HSDL2: variants seen among roughly 807,000 people sequenced by gnomAD.
HSDL2 encodes hydroxysteroid dehydrogenase like 2.
In HSDL2, 27 loss-of-function variants were observed where a neutral mutation model predicts 46.3. The ratio of observed to expected loss-of-function variants is 0.58; its 90% confidence interval spans 0.43 to 0.80. The LOEUF is 0.80. HSDL2 is among the 30% of genes least tolerant of loss of function. The probability of loss-of-function intolerance (pLI) is 0.00; values close to 1 mark genes in which losing one functional copy is unlikely to be tolerated. For missense variants in HSDL2, 451 were observed against 502.7 expected, an observed-to-expected ratio of 0.90 and a Z score of 0.98; for synonymous variants, 153 against 163.6, an observed-to-expected ratio of 0.94 and a Z score of 0.50.
chr9:112,388,351 C>G (rs1403837456), intron 1 of HSDL2, among the ~76,000 whole-genome samples: 1 of 151,280 alleles, frequency 6.6e-6, no homozygotes, highest in Admixed American at 6.6e-5. Flanking sequence ...ATCCCAGCTA[C>G]TCGGGAGGCT....
chr9:112,443,001 C>A, intron 8 of HSDL2, among the ~76,000 whole-genome samples: 1 of 152,030 alleles, frequency 6.6e-6, no homozygotes, highest in African/African-American at 2.4e-5. Context: ...TACTCATAAT[C>A]CTACTACCCA....
At chr9:112,458,320 C>CTTTTTTTTTTTTTTTTTTTTT (rs202071222) in intron 9 of HSDL2, among the ~76,000 whole-genome samples, 1 of 119,592 alleles carries the variant, frequency 8.4e-6, no homozygotes, top group Non-Finnish European at 1.8e-5. Context: ...ACCACTTCTT[C>CTTTTTTTTTTTTTTTTTTTTT]TTTTTTTTTT....
intron 4 of HSDL2, among the ~76,000 whole-genome samples, chr9:112,411,848 G>A (rs895702568): frequency 5.3e-5 from 8 of 152,120 alleles, no homozygotes; most frequent in Non-Finnish European, 2.9e-5. Context: ...CTTTGTGAAA[G>A]AATTTCAATT....
At chr9:112,423,714 TTTG>T (rs1249997004) in intron 6 of HSDL2, among the ~76,000 whole-genome samples, 2 of 150,918 alleles carry the variant, frequency 1.3e-5, no homozygotes, top group Admixed American at 6.6e-5. Context: ...AGATGGTATC[TTTG>T]TTGTTGTTTG....
chr9:112,409,140 T>A (rs753096082), intron 4 of HSDL2, 119 bp downstream of exon 4: 1 of 551,036 alleles, frequency 1.8e-6, no homozygotes, highest in Non-Finnish European at 3.3e-6. Flanking sequence ...TCAATCCTTA[T>A]AAGGGTCTAA....
At chr9:112,392,971 G>A (rs1831380938) in intron 1 of HSDL2, among the ~76,000 whole-genome samples, 3 of 152,110 alleles carry the variant, frequency 2.0e-5, no homozygotes. Context: ...CCATTGGGGG[G>A]TCCCAGACTT....
At chr9:112,458,714 T>C (rs1184935353) in intron 9 of HSDL2, among the ~76,000 whole-genome samples, 1 of 151,994 alleles carries the variant, frequency 6.6e-6, no homozygotes, top group Non-Finnish European at 1.5e-5. Context: ...GGGCACGGTA[T>C]CTCATGCCTG....
At chr9:112,458,017 C>T (rs1428393008) in intron 9 of HSDL2, among the ~76,000 whole-genome samples, 2 of 152,158 alleles carry the variant, frequency 1.3e-5, no homozygotes, top group Non-Finnish European at 2.9e-5. Flanking sequence ...AGGATGAAGT[C>T]ATTTAATCCT....
intron 7 of HSDL2, among the ~76,000 whole-genome samples, chr9:112,439,345 T>C (rs889898778): frequency 3.3e-5 from 5 of 152,190 alleles, no homozygotes; most frequent in African/African-American, 4.8e-5. Context: ...GTGGACTCTC[T>C]AAATATTTGT....
chr9:112,459,697 T>A (rs1833147241), intron 10 of HSDL2, 120 bp downstream of exon 10: 1 of 844,406 alleles, frequency 1.2e-6, no homozygotes, highest in Non-Finnish European at 1.9e-6. Flanking sequence ...GGAATCTTAG[T>A]TTTGGGAAGG....
At chr9:112,428,367 C>T (rs10981402) in intron 6 of HSDL2, among the ~76,000 whole-genome samples, 40,187 of 152,160 alleles carry the variant, frequency 0.26, 5,426 homozygotes, top group Middle Eastern at 0.39. Context: ...TCTTTGTTTC[C>T]TTTATGTTTC....
At chr9:112,437,513 A>G (rs1832553502) in intron 6 of HSDL2, among the ~76,000 whole-genome samples, 1 of 152,084 alleles carries the variant, frequency 6.6e-6, no homozygotes, top group Non-Finnish European at 1.5e-5. Context: ...TCCCTAAAGT[A>G]ATGGTGCACT....
At chr9:112,449,041 A>G (rs1832816149) in intron 8 of HSDL2, among the ~76,000 whole-genome samples, 1 of 151,222 alleles carries the variant, frequency 6.6e-6, no homozygotes, top group South Asian at 2.1e-4. Flanking sequence ...CACTTACACA[A>G]TTTTTTAAAG....
At chr9:112,463,911 T>C (rs1312692652) in intron 10 of HSDL2, among the ~76,000 whole-genome samples, 2 of 152,172 alleles carry the variant, frequency 1.3e-5, no homozygotes, top group Non-Finnish European at 2.9e-5. Flanking sequence ...TCTACCCACC[T>C]CAGCCTCCCA....
At chr9:112,457,977 A>G (rs1473367277) in intron 9 of HSDL2, among the ~76,000 whole-genome samples, 1 of 152,162 alleles carries the variant, frequency 6.6e-6, no homozygotes, top group African/African-American at 2.4e-5. Flanking sequence ...AAACCTTACC[A>G]TATCATCTTC....
At chr9:112,441,003 G>A (rs963962134) in intron 7 of HSDL2, among the ~76,000 whole-genome samples, 7 of 151,746 alleles carry the variant, frequency 4.6e-5, no homozygotes, top group East Asian at 3.9e-4. Flanking sequence ...GCGAGACTCC[G>A]TCTCAAAAAA....
At chr9:112,388,123 T>C (rs1401174314) in intron 1 of HSDL2, among the ~76,000 whole-genome samples, 2 of 150,938 alleles carry the variant, frequency 1.3e-5, no homozygotes, top group African/African-American at 4.9e-5. Context: ...TGCACCACTG[T>C]ACTTCAGCCT....
chr9:112,400,673 G>A (rs964175772), intron 1 of HSDL2, among the ~76,000 whole-genome samples: 10 of 152,198 alleles, frequency 6.6e-5, no homozygotes, highest in Non-Finnish European at 1.3e-4. Context: ...TCACTGTTCT[G>A]TAAGCTAGAA....
chr9:112,470,546 G>T lies in HSDL2; in HGVS notation c.*2G>T. 1 of 1,534,018 alleles carries T rather than the reference G, an allele frequency of 6.5e-7. No individual in the cohort carries two copies. The highest frequency in any genetic ancestry group is 2.3e-5 in the East Asian group (1 of 43,340). The stretch of plus-strand genomic sequence containing the variant: ...AATCAGATGAATGCCAGACTGTGAA[G>T]GAAAATATAAAAAAAAAGTCGACTG... On this transcript the variant is annotated 3_prime_UTR_variant, in exon 11 of 11. Coordinates refer to ENST00000398805, the MANE Select transcript of HSDL2 (RefSeq NM_032303.5).
Sources: allele counts gnomAD v4.1 joint callset (sites outside exome capture counted in the v4.1 genomes callset), GRCh38; gene constraint gnomAD v4.1.1; transcripts MANE v1.5; gene names NCBI Gene and HGNC (gene_info 2026-07-23, HGNC 2026-07-21).